The following MSL2 variants were observed in gnomAD, a reference collection of about 807,000 sequenced individuals.
MSL2 encodes E3 ubiquitin-protein ligase MSL2.
Under a neutral mutation model 35.8 loss-of-function variants are expected in MSL2, and 2 were observed. The ratio of observed to expected loss-of-function variants is 0.06; its 90% CI spans 0.02 to 0.18. The LOEUF (loss-of-function observed/expected upper bound fraction) is 0.18. Ranked by LOEUF, MSL2 falls within the 10% of genes least tolerant of loss-of-function variation. The pLI is 1.00. For missense variants in MSL2, 523 were observed against 706.7 expected (o/e 0.74, Z 2.95); for synonymous variants, 296 against 255.7 (o/e 1.16, Z -1.50).
intron 1 of MSL2, chr3:136,194,351 T>C (rs1316339068): frequency 1.1e-6 from 1 of 941,416 alleles, no homozygotes. Context: ...AAAGCCAAAG[T>C]ATATTAAACC....
rs531242113 is a variant in MSL2, at chr3:136,150,215, TAA to T, written c.*930_*931del. 2.6e-3 allele frequency: 398 copies of T among 152,396 alleles called. 3 individuals are homozygous for T. Among genetic ancestry groups the T allele is most frequent in the African/African-American group, 7.1e-3 (295 of 41,530 alleles). The allele number at this position is 152,396 out of a possible 1,614,324, so 9.4% of individuals were successfully genotyped here. On this transcript the variant is annotated 3_prime_UTR_variant, in exon 2 of 2. Coordinates refer to ENST00000309993, the MANE Select transcript of MSL2 (RefSeq NM_018133.4). ...AAAAAAACTAGGAGCATATTCAAAA[TAA>T]AGACTGTGGCAAATAAACTATTAGA... is the stretch of plus-strand genomic sequence containing the variant.
chr3:136,169,844 G>A (rs894426103), intron 1 of MSL2, among the ~76,000 whole-genome samples: 4 of 151,936 alleles, frequency 2.6e-5, no homozygotes, highest in African/African-American at 9.7e-5. Context: ...ATCACTTGAG[G>A]TCAGGAGTTC....
chr3:136,186,200 A>G (rs148169723), intron 1 of MSL2, among the ~76,000 whole-genome samples: 1,537 of 152,206 alleles, frequency 0.01, 29 homozygotes, highest in African/African-American at 0.033. Context: ...TTTTTCCCAT[A>G]TGTCTGTGTC....
intron 1 of MSL2, among the ~76,000 whole-genome samples, chr3:136,175,901 T>A (rs1940159235): frequency 7.7e-6 from 1 of 129,694 alleles, no homozygotes; most frequent in East Asian, 1.9e-4. Context: ...CCTGCCACTG[T>A]GCTAAGCCTG....
chr3:136,186,743 A>T (rs954752342), intron 1 of MSL2, among the ~76,000 whole-genome samples: 1 of 152,212 alleles, frequency 6.6e-6, no homozygotes, highest in Non-Finnish European at 1.5e-5. Context: ...TGAACTCTAT[A>T]ATTATTTCAT....
chr3:136,158,948 TAA>T (rs1486753321), intron 1 of MSL2, among the ~76,000 whole-genome samples: 5 of 152,258 alleles, frequency 3.3e-5, no homozygotes, highest in Admixed American at 1.3e-4. Context: ...TGAAAGAAAT[TAA>T]AGAGTATCTA....
At chr3:136,180,763 AGGGAGG>A (rs1559969124) in intron 1 of MSL2, among the ~76,000 whole-genome samples, 935 of 28,790 alleles carry the variant, frequency 0.032, 43 homozygotes, top group African/African-American at 0.1. Flanking sequence ...GGAGGGAAGG[AGGGAGG>A]GAGGGAGGGA....
chr3:136,175,300 C>T (rs535939566), intron 1 of MSL2, among the ~76,000 whole-genome samples: 8 of 150,776 alleles, frequency 5.3e-5, no homozygotes, highest in South Asian at 2.1e-4. Context: ...GCCGAGATCG[C>T]GCCACTGCAC....
chr3:136,159,433 G>A (rs1293529713), intron 1 of MSL2, among the ~76,000 whole-genome samples: 9 of 131,808 alleles, frequency 6.8e-5, no homozygotes, highest in African/African-American at 1.2e-4. Flanking sequence ...GTGCCATCTC[G>A]GCTCACTGCA....
intron 1 of MSL2, among the ~76,000 whole-genome samples, chr3:136,156,933 A>G (rs1939547173): frequency 1.3e-5 from 2 of 152,234 alleles, no homozygotes; most frequent in African/African-American, 4.8e-5. Flanking sequence ...GAAGAAGAGA[A>G]AATGTTCACA....
At position 136,150,327 on chromosome 3, in the gene MSL2, T is replaced by C. The variant is rs1176811025; in HGVS notation, c.*820A>G. The C allele has an allele frequency of 6.6e-6, 1 of 152,312 alleles. No homozygotes were observed. The highest frequency in any genetic ancestry group is 1.5e-5 in the Non-Finnish European group (1 of 68,036). The allele number at this position is 152,312 out of a possible 1,614,324, so 9.4% of individuals were successfully genotyped here. On this transcript the variant is annotated 3_prime_UTR_variant, in exon 2 of 2. Transcript: ENST00000309993. ...CTGGGAGCATTATTCCAAAATTATTTTAAGTAAATCCCAATTACTAAATAA... is the reference window on the plus strand; with the variant it reads ...CTGGGAGCATTATTCCAAAATTATTCTAAGTAAATCCCAATTACTAAATAA...
chr3:136,161,470 T>G (rs1003373783), intron 1 of MSL2, among the ~76,000 whole-genome samples: 2 of 152,184 alleles, frequency 1.3e-5, no homozygotes, highest in Non-Finnish European at 2.9e-5. Flanking sequence ...AATCCAAATG[T>G]CCATTAATTG....
intron 1 of MSL2, among the ~76,000 whole-genome samples, chr3:136,192,429 T>C (rs925769736): frequency 1.3e-5 from 2 of 152,306 alleles, no homozygotes; most frequent in East Asian, 3.9e-4. Flanking sequence ...TCCGCCCACC[T>C]TGGCCTCCCA....
chr3:136,186,672 A>C (rs1435365949), intron 1 of MSL2, among the ~76,000 whole-genome samples: 1 of 151,744 alleles, frequency 6.6e-6, no homozygotes, highest in Non-Finnish European at 1.5e-5. Flanking sequence ...GTCTCCCATC[A>C]CCCCCAGATG....
At chr3:136,161,485 G>C (rs921373013) in intron 1 of MSL2, among the ~76,000 whole-genome samples, 1 of 152,182 alleles carries the variant, frequency 6.6e-6, no homozygotes, top group Non-Finnish European at 1.5e-5. Context: ...TAATTGGTGA[G>C]TAGATAAACA....
At chr3:136,188,154 G>A (rs1332421591) in intron 1 of MSL2, among the ~76,000 whole-genome samples, 1 of 152,130 alleles carries the variant, frequency 6.6e-6, no homozygotes, top group East Asian at 1.9e-4. Flanking sequence ...TGTCCACTAG[G>A]CCAGGCGCAG....
intron 1 of MSL2, among the ~76,000 whole-genome samples, chr3:136,187,441 T>A (rs1462597834): frequency 6.6e-6 from 1 of 152,012 alleles, no homozygotes; most frequent in African/African-American, 2.4e-5. Context: ...GGTGGGAGGA[T>A]GACCTGAGGT....
At chr3:136,177,056 T>G (rs1940199251) in intron 1 of MSL2, among the ~76,000 whole-genome samples, 1 of 152,196 alleles carries the variant, frequency 6.6e-6, no homozygotes, top group African/African-American at 2.4e-5. Flanking sequence ...AATTTTTTAT[T>G]GAGCAGCACT....
rs552586375 is a variant in MSL2 at position 136,151,452 on chromosome 3, G to T, written c.1429C>A (p.Arg477=). The change falls in exon 2 of 2, where the codon CGA becomes AGA. Residue 477 remains arginine (R), a synonymous_variant. Coordinates refer to ENST00000309993, the MANE Select transcript of MSL2 (RefSeq NM_018133.4). This position sits in a 1 kb window ranked among gnomAD's most constrained non-coding sequence, Gnocchi z 5.2. ...GAGTAGCAAGGGCAGCGTTGGCCTCGGCATGTAAGAACACTTGGATTTTGA... is the reference window on the plus strand; with the variant it reads ...GAGTAGCAAGGGCAGCGTTGGCCTCTGCATGTAAGAACACTTGGATTTTGA... ...ATQNPSVLTC[R]GQRCPCYSNR... The T allele has an allele frequency of 6.2e-7, 1 of 1,614,130 alleles. No individual in the cohort carries two copies. The highest frequency in any genetic ancestry group is 1.3e-5 in the African/African-American group (1 of 75,020).
Sources: allele counts gnomAD v4.1 joint callset (sites outside exome capture counted in the v4.1 genomes callset), GRCh38; gene constraint gnomAD v4.1.1; non-coding constraint Gnocchi (gnomAD v3.1); transcripts MANE v1.5; gene names NCBI Gene and HGNC (gene_info 2026-07-23, HGNC 2026-07-21).